RXFP1: variants seen among roughly 807,000 people sequenced by gnomAD.
The protein encoded by RXFP1 is relaxin receptor 1.
A neutral mutation model predicts 89.8 loss-of-function variants in RXFP1; 73 were observed. The observed-to-expected ratio is 0.81, with a 90% CI of 0.67 to 0.99. The LOEUF (loss-of-function observed/expected upper bound fraction) is 0.99, where lower values mean the gene tolerates loss of function less well. Among genes scored for constraint, RXFP1 ranks in the 50% least tolerant of loss-of-function variants. The pLI, the probability that RXFP1 is intolerant of heterozygous loss-of-function variation, is 0.00. For missense variants in RXFP1, 793 were observed against 895.5 expected (o/e 0.89, Z 1.46); for synonymous variants, 277 against 305.5 (o/e 0.91, Z 0.97).
chr4:158,620,421 G>A (rs531030257), intron 9 of RXFP1, among the ~76,000 whole-genome samples: 2 of 152,146 alleles, frequency 1.3e-5, no homozygotes, highest in African/African-American at 2.4e-5. Context: ...CAAGAATTTT[G>A]TTACATTAAT....
chr4:158,559,218 A>G (rs1751941101), intron 1 of RXFP1, among the ~76,000 whole-genome samples: 1 of 152,162 alleles, frequency 6.6e-6, no homozygotes, highest in South Asian at 2.1e-4. Context: ...AGGCAGGAGG[A>G]TTGCTTAAGG....
At chr4:158,604,682 A>G (rs541877413) in intron 4 of RXFP1, among the ~76,000 whole-genome samples, 2 of 152,352 alleles carry the variant, frequency 1.3e-5, no homozygotes, top group Admixed American at 6.5e-5. Context: ...ATATTGAGAA[A>G]TACAATATTT....
chr4:158,605,395 C>G (rs533955918), intron 5 of RXFP1, among the ~76,000 whole-genome samples: 1 of 152,304 alleles, frequency 6.6e-6, no homozygotes, highest in African/African-American at 2.4e-5. Context: ...CCTCCTACCA[C>G]AATCCCCCAA....
intron 2 of RXFP1, among the ~76,000 whole-genome samples, chr4:158,573,481 A>C (rs1234628602): frequency 6.6e-6 from 1 of 152,096 alleles, no homozygotes; most frequent in Non-Finnish European, 1.5e-5. Context: ...TTTTGAAAGC[A>C]TTAGATTTTT....
At chr4:158,643,461 T>C (rs1770791257) in intron 14 of RXFP1, among the ~76,000 whole-genome samples, 2 of 140,440 alleles carry the variant, frequency 1.4e-5, no homozygotes, top group Admixed American at 1.7e-4. Context: ...TCCTGGATCA[T>C]ATGCTAGTTT....
intron 9 of RXFP1, among the ~76,000 whole-genome samples, chr4:158,622,160 A>C (rs1765744804): frequency 6.6e-6 from 1 of 151,998 alleles, no homozygotes; most frequent in African/African-American, 2.4e-5. Flanking sequence ...AAAATACGAA[A>C]ATTAGCCGGG....
chr4:158,592,533 C>T (rs1216360061), intron 2 of RXFP1, among the ~76,000 whole-genome samples: 1 of 152,130 alleles, frequency 6.6e-6, no homozygotes, highest in Non-Finnish European at 1.5e-5. Context: ...AAGATAGTGC[C>T]ATTGCCCTCC....
chr4:158,612,253 A>T (rs572783798), intron 7 of RXFP1, 38 bp from the exon 8 acceptor site: 2 of 1,603,052 alleles, frequency 1.2e-6, no homozygotes, highest in Admixed American at 1.7e-5. Context: ...GATTCTAGAG[A>T]TATATAAATG....
rs1772966127 is a variant in RXFP1 at position 158,652,795 on chromosome 4, A to G, written c.*740A>G. 1 of 152,226 alleles carries G rather than the reference A, an allele frequency of 6.6e-6. No individual in the cohort carries two copies. Among genetic ancestry groups the G allele is most frequent in the African/African-American group, 2.4e-5 (1 of 41,464 alleles). The allele number at this position is 152,226 out of a possible 1,614,324, so 9.4% of individuals were successfully genotyped here. On this transcript the variant is annotated 3_prime_UTR_variant, in exon 18 of 18. Transcript: ENST00000307765. The stretch of plus-strand genomic sequence containing the variant: ...TACGGCAGAGAAGTGGATCAGAAAA[A>G]CTAGAATGAGGATAAACATTTACAT...
At chr4:158,581,953 C>A (rs545712769) in intron 2 of RXFP1, among the ~76,000 whole-genome samples, 1 of 152,222 alleles carries the variant, frequency 6.6e-6, no homozygotes, top group South Asian at 2.1e-4. Context: ...GATTACATAG[C>A]GAGAGAGGAA....
Position 158,644,926 on chromosome 4 carries a change from A to G in RXFP1, c.1133A>G (p.Gln378Arg). ...NLSHIYFKKF[Q>R]YCGYAPHVRS... ...TACACCAGATATTTTAAGAAATTCC[A>G]GTACTGTGGGTATGCACCACATGTT... The change falls in exon 15 of 18, where the codon CAG becomes CGG. Residue 378 changes from glutamine to arginine, a missense_variant. By Grantham distance (43) the Gln-to-Arg change is conservative. Coordinates refer to ENST00000307765, the MANE Select transcript of RXFP1 (RefSeq NM_021634.4). 2 of 1,612,986 alleles carry G rather than the reference A, an allele frequency of 1.2e-6. No homozygotes were observed. The highest frequency in any genetic ancestry group is 1.7e-6 in the Non-Finnish European group (2 of 1,179,054).
intron 14 of RXFP1, among the ~76,000 whole-genome samples, chr4:158,643,801 G>A (rs1423295538): frequency 6.6e-6 from 1 of 151,806 alleles, no homozygotes; most frequent in Non-Finnish European, 1.5e-5. Context: ...AGTTTTCTGA[G>A]GAACCCCCAT....
chr4:158,529,778 C>T (rs1319048306), intron 1 of RXFP1, among the ~76,000 whole-genome samples: 2 of 152,204 alleles, frequency 1.3e-5, no homozygotes, highest in African/African-American at 2.4e-5. Flanking sequence ...CTTAGTCTCA[C>T]CACACCTTCT....
At chr4:158,637,015 C>G (rs1769303781) in intron 12 of RXFP1, among the ~76,000 whole-genome samples, 1 of 152,160 alleles carries the variant, frequency 6.6e-6, no homozygotes, top group Non-Finnish European at 1.5e-5. Context: ...CTATGCCTGA[C>G]TTACTTCATG....
At chr4:158,645,731 T>C (rs1475081993) in intron 15 of RXFP1, among the ~76,000 whole-genome samples, 1 of 152,214 alleles carries the variant, frequency 6.6e-6, no homozygotes, top group East Asian at 1.9e-4. Context: ...GTTTGTAGTC[T>C]AGGTCAAGTG....
chr4:158,539,322 G>C (rs1179029601), intron 1 of RXFP1, among the ~76,000 whole-genome samples: 20 of 152,046 alleles, frequency 1.3e-4, no homozygotes, highest in Non-Finnish European at 1.2e-4. Context: ...CACACACCGG[G>C]GACTATTGTG....
chr4:158,580,819 A>G (rs1314420871), intron 2 of RXFP1, among the ~76,000 whole-genome samples: 1 of 152,056 alleles, frequency 6.6e-6, no homozygotes, highest in Non-Finnish European at 1.5e-5. Flanking sequence ...TATTTTTGAG[A>G]CTGAGTCTTG....
chr4:158,588,976 G>C (rs1005215179), intron 2 of RXFP1, among the ~76,000 whole-genome samples: 2 of 152,214 alleles, frequency 1.3e-5, no homozygotes, highest in African/African-American at 4.8e-5. Flanking sequence ...ACGCTGCTAT[G>C]AAGAAATACA....
At chr4:158,601,041 G>A (rs1227856720) in intron 4 of RXFP1, among the ~76,000 whole-genome samples, 2 of 151,920 alleles carry the variant, frequency 1.3e-5, no homozygotes, top group African/African-American at 2.4e-5. Context: ...AGAAAGCTGG[G>A]GGAATGGAGG....
Sources: allele counts gnomAD v4.1 joint callset (sites outside exome capture counted in the v4.1 genomes callset), GRCh38; gene constraint gnomAD v4.1.1; transcripts MANE v1.5; gene names NCBI Gene and HGNC (gene_info 2026-07-23, HGNC 2026-07-21).